Variants in EDIL3 observed in about 807,000 individuals in gnomAD.
EDIL3 encodes the protein EGF like and discoidin domains 3.
EDIL3 carries 37 observed loss-of-function variants against 67.4 expected under a neutral mutation model. The observed-to-expected ratio is 0.55, with a 90% CI of 0.42 to 0.72. EDIL3 has a LOEUF of 0.72. EDIL3 is among the 30% of genes least tolerant of loss of function. The pLI, the probability that EDIL3 is intolerant of heterozygous loss-of-function variation, is 0.00. For synonymous variants in EDIL3, 195 were observed against 196.3 expected (o/e 0.99, Z 0.05); for missense variants, 527 against 586.3 (o/e 0.90, Z 1.04).
At chr5:84,215,265 T>C (rs932180066) in intron 3 of EDIL3, among the ~76,000 whole-genome samples, 3 of 152,094 alleles carry the variant, frequency 2.0e-5, no homozygotes, top group Admixed American at 6.5e-5. Context: ...AGATTTTTTT[T>C]TTTCTTGAGA....
intron 1 of EDIL3, among the ~76,000 whole-genome samples, chr5:84,266,649 G>A (rs757635807): frequency 3.9e-5 from 6 of 152,104 alleles, no homozygotes; most frequent in Non-Finnish European, 5.9e-5. Flanking sequence ...CAGAGTTTGG[G>A]AGGATAAAAA....
chr5:83,993,347 T>C (rs930158833), intron 9 of EDIL3, among the ~76,000 whole-genome samples: 16 of 152,308 alleles, frequency 1.1e-4, no homozygotes, highest in Middle Eastern at 3.4e-3. Flanking sequence ...CAAGGCAATA[T>C]TTCTTGACTT....
chr5:84,366,001 A>T (rs781325622), intron 1 of EDIL3, among the ~76,000 whole-genome samples: 34 of 152,278 alleles, frequency 2.2e-4, no homozygotes, highest in Non-Finnish European at 4.3e-4. Context: ...TTCATCCAGG[A>T]TCCAATTCCT....
At chr5:84,372,772 T>A (rs1466622733) in intron 1 of EDIL3, among the ~76,000 whole-genome samples, 1 of 152,174 alleles carries the variant, frequency 6.6e-6, no homozygotes, top group Non-Finnish European at 1.5e-5. Context: ...CCTTAGGTTG[T>A]TGTGGGTTTT....
At chr5:84,303,643 G>C (rs1746204651) in intron 1 of EDIL3, among the ~76,000 whole-genome samples, 2 of 152,114 alleles carry the variant, frequency 1.3e-5, no homozygotes, top group South Asian at 4.1e-4. Context: ...TTTTACATTT[G>C]TGTTGAATAA....
intron 3 of EDIL3, among the ~76,000 whole-genome samples, chr5:84,224,708 C>A (rs1473978005): frequency 6.6e-6 from 1 of 151,282 alleles, no homozygotes; most frequent in Non-Finnish European, 1.5e-5. Flanking sequence ...ATTTGCAAAG[C>A]TTTGTTTTTA....
intron 1 of EDIL3, among the ~76,000 whole-genome samples, chr5:84,331,438 C>G (rs1303662955): frequency 6.6e-6 from 1 of 152,156 alleles, no homozygotes; most frequent in African/African-American, 2.4e-5. Context: ...ACATTACCCT[C>G]ATGCTTTTCT....
At chr5:84,088,499 A>T (rs3797660) in intron 6 of EDIL3, among the ~76,000 whole-genome samples, 35,053 of 152,168 alleles carry the variant, frequency 0.23, 4,270 homozygotes, top group Middle Eastern at 0.3. Context: ...AAAGTAAGAT[A>T]AAAATATTCA....
intron 6 of EDIL3, among the ~76,000 whole-genome samples, chr5:84,084,538 CA>C (rs879655304): frequency 3.3e-5 from 5 of 152,150 alleles, no homozygotes; most frequent in Non-Finnish European, 7.4e-5. Flanking sequence ...TTCTGGCATT[CA>C]CAAATTCCCT....
At chr5:84,357,052 G>A (rs1747503516) in intron 1 of EDIL3, among the ~76,000 whole-genome samples, 2 of 151,160 alleles carry the variant, frequency 1.3e-5, no homozygotes, top group Admixed American at 6.6e-5. Flanking sequence ...AGCCTCCTGA[G>A]TAGCTGGGAT....
intron 9 of EDIL3, among the ~76,000 whole-genome samples, chr5:83,977,365 C>T (rs1436906660): frequency 1.3e-5 from 2 of 151,694 alleles, no homozygotes; most frequent in Admixed American, 6.6e-5. Context: ...CTATTAAAGA[C>T]TTCTACATCA....
At chr5:83,980,011 A>G (rs1251524017) in intron 9 of EDIL3, among the ~76,000 whole-genome samples, 1 of 152,078 alleles carries the variant, frequency 6.6e-6, no homozygotes, top group African/African-American at 2.4e-5. Context: ...CTAATAGATA[A>G]CATTCTGCTC....
At chr5:84,195,479 G>T (rs1234087959) in intron 3 of EDIL3, among the ~76,000 whole-genome samples, 3 of 151,780 alleles carry the variant, frequency 2.0e-5, no homozygotes, top group Non-Finnish European at 4.4e-5. Flanking sequence ...TTTTTTGTGT[G>T]ACCTAATTGA....
At chr5:84,177,249 C>T (rs1748936655) in intron 4 of EDIL3, among the ~76,000 whole-genome samples, 1 of 152,056 alleles carries the variant, frequency 6.6e-6, no homozygotes, top group Non-Finnish European at 1.5e-5. Flanking sequence ...TGGATTATTA[C>T]TCAGAGGTAA....
intron 4 of EDIL3, among the ~76,000 whole-genome samples, chr5:84,151,258 C>T (rs1200021369): frequency 5.5e-5 from 8 of 145,234 alleles, no homozygotes; most frequent in African/African-American, 1.7e-4. Flanking sequence ...TACACACACA[C>T]GCACATACAC....
chr5:84,008,801 T>C (rs1190535054), intron 9 of EDIL3, among the ~76,000 whole-genome samples: 1 of 151,900 alleles, frequency 6.6e-6, no homozygotes, highest in Non-Finnish European at 1.5e-5. Flanking sequence ...AGGATTTTTG[T>C]TTTGTTTTGT....
chr5:84,034,670 T>C (rs1232052828), intron 9 of EDIL3, among the ~76,000 whole-genome samples: 2 of 152,222 alleles, frequency 1.3e-5, no homozygotes, highest in African/African-American at 4.8e-5. Flanking sequence ...GATGCCATCT[T>C]ATTTCAGTTC....
At chr5:83,947,046 C>T (rs534430606) in intron 10 of EDIL3, among the ~76,000 whole-genome samples, 1 of 151,720 alleles carries the variant, frequency 6.6e-6, no homozygotes, top group African/African-American at 2.4e-5. Context: ...TATTAAACAC[C>T]AGTATTTTAT....
chr5:84,023,458 C>T (rs901322595), intron 9 of EDIL3, among the ~76,000 whole-genome samples: 11 of 152,102 alleles, frequency 7.2e-5, no homozygotes, highest in Middle Eastern at 6.8e-3. Flanking sequence ...TTGGACAGCA[C>T]AAATTTAGTC....
Sources: allele counts gnomAD v4.1 joint callset (sites outside exome capture counted in the v4.1 genomes callset), GRCh38; gene constraint gnomAD v4.1.1; transcripts MANE v1.5; gene names NCBI Gene and HGNC (gene_info 2026-07-23, HGNC 2026-07-21).